The following CDYL variants were observed in gnomAD, a reference collection of about 807,000 sequenced individuals.
The protein encoded by CDYL is chromodomain Y like, also known as chromodomain Y-like protein.
Under a neutral mutation model 47.3 loss-of-function variants are expected in CDYL, and 8 were observed. That is an observed-to-expected ratio of 0.17 (90% CI 0.10 to 0.31). The LOEUF is 0.31. Among genes scored for constraint, CDYL ranks in the 10% least tolerant of loss-of-function variants. CDYL has a pLI of 1.00. For synonymous variants in CDYL, 266 were observed against 265.0 expected (o/e 1.00, Z -0.04); for missense variants, 471 against 701.4 (o/e 0.67, Z 3.71).
chr6:4,746,675 G>T (rs148202845), intron 3 of CDYL, among the ~76,000 whole-genome samples: 1 of 152,298 alleles, frequency 6.6e-6, no homozygotes, highest in African/African-American at 2.4e-5. Flanking sequence ...GAAGAGAGAA[G>T]CAGGTTTGGA....
At chr6:4,843,276 A>T (rs1760556301) in intron 1 of CDYL, among the ~76,000 whole-genome samples, 1 of 152,262 alleles carries the variant, frequency 6.6e-6, no homozygotes, top group Non-Finnish European at 1.5e-5. Context: ...ACTTTAGATA[A>T]CCTGATGACA....
Position 4,721,932 on chromosome 6 carries a change from G to A in CDYL, c.103+6051G>A, listed in dbSNP as rs760406939. On this transcript the variant is annotated intron_variant, in intron 2 of 8. Coordinates refer to the CDYL transcript ENST00000328908. ...GGCTGAAATGCAGTAGCGTGATTTC[G>A]GCTCACTGCAAGCTCCACCTCCCGG... Among the ~76,000 whole-genome samples, 28 of 151,334 alleles carry A rather than the reference G, an allele frequency of 1.9e-4. 1 individual carries two copies. Among genetic ancestry groups the A allele is most frequent in the South Asian group, 4.2e-4 (2 of 4,778 alleles).
chr6:4,793,147 C>A (rs989584352), intron 1 of CDYL, among the ~76,000 whole-genome samples: 12 of 150,726 alleles, frequency 8.0e-5, no homozygotes, highest in East Asian at 5.9e-4. Flanking sequence ...GTGTGCTCTT[C>A]CATCTACACC....
At chr6:4,884,676 T>C (rs1045595422) in intron 1 of CDYL, among the ~76,000 whole-genome samples, 2 of 152,246 alleles carry the variant, frequency 1.3e-5, no homozygotes, top group Non-Finnish European at 2.9e-5. Flanking sequence ...GTTTGTTTAC[T>C]GCGCTGTAGG....
At chr6:4,724,444 T>C (rs183429041) in intron 2 of CDYL, 139 of 152,478 alleles carry the variant, frequency 9.1e-4, no homozygotes, top group Non-Finnish European at 1.3e-3. Flanking sequence ...CTGTGCCAAA[T>C]GTCTATACCC....
intron 2 of CDYL, among the ~76,000 whole-genome samples, chr6:4,895,588 C>T (rs558756142): frequency 6.6e-6 from 1 of 151,186 alleles, no homozygotes; most frequent in South Asian, 2.1e-4. Context: ...GTTTTGAGAA[C>T]CCTTGATTTT....
chr6:4,748,911 T>G (rs1313663591), intron 3 of CDYL, among the ~76,000 whole-genome samples: 1 of 152,132 alleles, frequency 6.6e-6, no homozygotes, highest in Non-Finnish European at 1.5e-5. Flanking sequence ...AGTAAACATC[T>G]TACCTCCTAT....
chr6:4,734,031 G>A (rs1810227), intron 2 of CDYL, among the ~76,000 whole-genome samples: 43,691 of 151,456 alleles, frequency 0.29, 6,448 homozygotes, highest in Admixed American at 0.33. Flanking sequence ...GTAGAGATGG[G>A]GTTTCACCAT....
At chr6:4,950,206 CA>C (rs1244868199) in intron 5 of CDYL, among the ~76,000 whole-genome samples, 1 of 152,164 alleles carries the variant, frequency 6.6e-6, no homozygotes, top group Non-Finnish European at 1.5e-5. Flanking sequence ...TTGACTGGGA[CA>C]GACAGCCAGG....
At chr6:4,792,913 G>T (rs1758964850) in intron 1 of CDYL, among the ~76,000 whole-genome samples, 1 of 152,082 alleles carries the variant, frequency 6.6e-6, no homozygotes, top group Non-Finnish European at 1.5e-5. Context: ...TAATCCATAG[G>T]CACTGTTTAG....
chr6:4,788,403 A>G (rs373331807), intron 1 of CDYL, among the ~76,000 whole-genome samples: 1 of 147,224 alleles, frequency 6.8e-6, no homozygotes, highest in African/African-American at 2.5e-5. Context: ...GAATCACTTG[A>G]ACCCAGGAGG....
chr6:4,758,473 C>T (rs1460438472), intron 3 of CDYL, among the ~76,000 whole-genome samples: 2 of 151,468 alleles, frequency 1.3e-5, no homozygotes, highest in Non-Finnish European at 2.9e-5. Flanking sequence ...CCAGCCTGGC[C>T]AAAGTGACAA....
At chr6:4,845,048 A>G (rs1381302290) in intron 1 of CDYL, among the ~76,000 whole-genome samples, 1 of 152,258 alleles carries the variant, frequency 6.6e-6, no homozygotes, top group Non-Finnish European at 1.5e-5. Context: ...GAGATACTCC[A>G]AAGTGCACTT....
At chr6:4,755,272 T>A (rs956239180) in intron 3 of CDYL, among the ~76,000 whole-genome samples, 1 of 151,956 alleles carries the variant, frequency 6.6e-6, no homozygotes, top group Non-Finnish European at 1.5e-5. Flanking sequence ...GGTTTCCCCC[T>A]GTTGGCCAGG....
At chr6:4,783,417 C>CTA (rs529734493) in intron 1 of CDYL, among the ~76,000 whole-genome samples, 8,457 of 137,414 alleles carry the variant, frequency 0.062, 638 homozygotes, top group African/African-American at 0.18. Flanking sequence ...ATTCTTGAGA[C>CTA]TTTTTTTTTT....
chr6:4,861,302 A>G (rs963263835), intron 1 of CDYL, among the ~76,000 whole-genome samples: 3 of 152,152 alleles, frequency 2.0e-5, no homozygotes, highest in Non-Finnish European at 4.4e-5. Flanking sequence ...AACTGTGGGC[A>G]TAAGTTGTCT....
chr6:4,729,031 G>A (rs940246108), intron 2 of CDYL, among the ~76,000 whole-genome samples: 1 of 152,070 alleles, frequency 6.6e-6, no homozygotes, highest in South Asian at 2.1e-4. Flanking sequence ...CTCCCTCTTA[G>A]GATCAAACCA....
At chr6:4,813,996 G>A (rs1309959642) in intron 1 of CDYL, among the ~76,000 whole-genome samples, 2 of 140,400 alleles carry the variant, frequency 1.4e-5, no homozygotes, top group African/African-American at 5.3e-5. Context: ...GGTTGGTCTT[G>A]AACTCCAGCT....
intron 1 of CDYL, among the ~76,000 whole-genome samples, chr6:4,846,260 C>T (rs1308284366): frequency 1.3e-5 from 2 of 151,768 alleles, no homozygotes; most frequent in African/African-American, 4.8e-5. Context: ...GATAGCACCC[C>T]AACCCCACAG....
Sources: gnomAD v4.1 joint callset for allele counts (sites outside exome capture counted in the v4.1 genomes callset) on GRCh38, gnomAD v4.1.1 for gene constraint, MANE v1.5 for transcripts, NCBI Gene and HGNC (gene_info 2026-07-23, HGNC 2026-07-21) for gene names.